The following LRRC28 variants were observed in gnomAD, a reference collection of about 807,000 sequenced individuals.
LRRC28 encodes the protein leucine rich repeat containing 28.
In LRRC28, 39 loss-of-function variants were observed where a neutral mutation model predicts 45.7. The observed-to-expected ratio is 0.85, with a 90% CI of 0.66 to 1.12. LRRC28 has a LOEUF of 1.12. Ranked by LOEUF, LRRC28 falls within the 50% of genes most tolerant of loss-of-function variation. The pLI is 0.00. For synonymous variants in LRRC28, 206 were observed against 178.8 expected (o/e 1.15, Z -1.22); for missense variants, 435 against 438.5 (o/e 0.99, Z 0.07).
At chr15:99,319,138 A>G (rs960686435) in intron 5 of LRRC28, among the ~76,000 whole-genome samples, 4 of 152,126 alleles carry the variant, frequency 2.6e-5, no homozygotes, top group Admixed American at 1.3e-4. Flanking sequence ...ATTCTGGACT[A>G]TGATGCTGTG....
At chr15:99,385,893 A>T in intron 9 of LRRC28, 137 bp from the exon 10 acceptor site, 1 of 734,094 alleles carries the variant, frequency 1.4e-6, no homozygotes, top group South Asian at 1.6e-5. Flanking sequence ...TTGAAAAGGA[A>T]ATTTAAATTT....
chr15:99,338,064 C>T (rs1956384906), intron 6 of LRRC28: 1 of 152,134 alleles, frequency 6.6e-6, no homozygotes, highest in African/African-American at 2.4e-5. Context: ...ATGGAGGAGA[C>T]AGCTGGAGAC....
chr15:99,378,891 C>T (rs1198418622), intron 9 of LRRC28, among the ~76,000 whole-genome samples: 1 of 152,076 alleles, frequency 6.6e-6, no homozygotes, highest in Admixed American at 6.5e-5. Context: ...GGATGAAGCC[C>T]ACTTGATCAT....
At chr15:99,291,343 A>G (rs1363427253) in intron 5 of LRRC28, among the ~76,000 whole-genome samples, 2 of 152,218 alleles carry the variant, frequency 1.3e-5, no homozygotes, top group Non-Finnish European at 2.9e-5. Flanking sequence ...AGCCATGTAT[A>G]TAGGCTTTAT....
At chr15:99,263,603 A>G (rs2081258064) in intron 2 of LRRC28, among the ~76,000 whole-genome samples, 1 of 152,220 alleles carries the variant, frequency 6.6e-6, no homozygotes, top group Admixed American at 6.5e-5. Context: ...AGCTTTCAAG[A>G]GCAGGAACTG....
At chr15:99,373,244 A>G (rs1214362419) in intron 9 of LRRC28, among the ~76,000 whole-genome samples, 1 of 152,166 alleles carries the variant, frequency 6.6e-6, no homozygotes, top group African/African-American at 2.4e-5. Context: ...TCATCAGCGA[A>G]TCCCCCAAAA....
intron 6 of LRRC28, among the ~76,000 whole-genome samples, chr15:99,344,856 GA>G (rs1472835722): frequency 1.3e-5 from 2 of 152,164 alleles, no homozygotes; most frequent in Non-Finnish European, 2.9e-5. Flanking sequence ...GGTTTGAGGG[GA>G]TGAATCATTG....
chr15:99,357,001 G>A (rs1957064677), intron 7 of LRRC28, among the ~76,000 whole-genome samples: 2 of 152,110 alleles, frequency 1.3e-5, no homozygotes, highest in Admixed American at 1.3e-4. Context: ...TCCAAGCCAA[G>A]GTTTATTCTT....
intron 4 of LRRC28, 118 bp from the exon 5 acceptor site, chr15:99,287,696 T>C: frequency 9.2e-7 from 1 of 1,087,418 alleles, no homozygotes; most frequent in Non-Finnish European, 1.3e-6. Context: ...TACTATTTTG[T>C]GAGCAACTGA....
At chr15:99,291,662 T>C (rs1567633101) in intron 5 of LRRC28, among the ~76,000 whole-genome samples, 1 of 152,252 alleles carries the variant, frequency 6.6e-6, no homozygotes, top group Non-Finnish European at 1.5e-5. Flanking sequence ...CTTAAAAGAC[T>C]TAACATTTTA....
At chr15:99,289,656 G>A (rs1285820445) in intron 5 of LRRC28, among the ~76,000 whole-genome samples, 12 of 152,144 alleles carry the variant, frequency 7.9e-5, no homozygotes, top group South Asian at 2.1e-4. Context: ...GCACCAGGCC[G>A]GGCGCGGTGG....
rs1450171255 is a variant in LRRC28, at chr15:99,352,472, G to A, written c.695+1G>A. 1.9e-6 allele frequency: 3 copies of A among 1,603,882 alleles called. No individual in the cohort carries two copies. The highest frequency in any genetic ancestry group is 2.7e-5 in the African/African-American group (2 of 74,512). ...ACAATAAAGTCATCGGGTGCAGTGG[G>A]TAAGGCCGATTTCACATTTTGAACT... On this transcript the variant is annotated splice_donor_variant, in intron 7 of 9. Coordinates refer to ENST00000301981, the MANE Select transcript of LRRC28 (RefSeq NM_144598.5). LOFTEE classifies it high-confidence loss of function.
chr15:99,265,382 G>T (rs996862997), intron 2 of LRRC28, among the ~76,000 whole-genome samples: 9 of 152,058 alleles, frequency 5.9e-5, no homozygotes, highest in African/African-American at 1.7e-4. Context: ...AATGGAGGTG[G>T]GCCAAAGTAC....
chr15:99,374,952 C>T (rs1957585156), intron 9 of LRRC28, among the ~76,000 whole-genome samples: 1 of 152,040 alleles, frequency 6.6e-6, no homozygotes, highest in South Asian at 2.1e-4. Flanking sequence ...CAGGCATGAG[C>T]CACCGCACCC....
chr15:99,305,865 T>A (rs938548635), intron 5 of LRRC28, among the ~76,000 whole-genome samples: 1 of 152,218 alleles, frequency 6.6e-6, no homozygotes, highest in Non-Finnish European at 1.5e-5. Flanking sequence ...AGTATATATT[T>A]GTAAGAATTG....
rs149930950 is a variant in LRRC28 at position 99,294,683 on chromosome 15, A to G, written c.385+6732A>G. Among the ~76,000 whole-genome samples the G allele has an allele frequency of 1.2e-4, 19 of 152,300 alleles. No homozygotes were observed. The East Asian group carries it at 3.5e-3, about 28-fold the overall frequency. On this transcript the variant is annotated intron_variant, in intron 5 of 9. Coordinates refer to ENST00000301981, the MANE Select transcript of LRRC28 (RefSeq NM_144598.5). ...CTGAGGCATCTTTTGTAAGGGCACTAATTCCACTCATGAGCGTTTCACCCT... is the reference window on the plus strand; with the variant it reads ...CTGAGGCATCTTTTGTAAGGGCACTGATTCCACTCATGAGCGTTTCACCCT...
chr15:99,297,474 G>A (rs941162407), intron 5 of LRRC28: 41 of 148,242 alleles, frequency 2.8e-4, no homozygotes, highest in African/African-American at 9.7e-4. Flanking sequence ...ATGTCACCCA[G>A]GCTGGTCTCA....
chr15:99,301,113 T>G (rs781105983), intron 5 of LRRC28, among the ~76,000 whole-genome samples: 2 of 152,210 alleles, frequency 1.3e-5, no homozygotes, highest in Admixed American at 6.5e-5. Flanking sequence ...CTGTAACTCA[T>G]TCTCTTTAAG....
In LRRC28 at chr15:99,287,285, G is replaced by C; in HGVS notation, c.238G>C (p.Val80Leu). 1 of 1,562,988 alleles carries C rather than the reference G, an allele frequency of 6.4e-7. No individual in the cohort carries two copies. The highest frequency in any genetic ancestry group is 8.6e-7 in the Non-Finnish European group (1 of 1,157,554). Residue 80 changes from valine to leucine, a missense_variant, in exon 4 of 10, where the codon GTT becomes CTT. Coordinates refer to ENST00000301981, the MANE Select transcript of LRRC28 (RefSeq NM_144598.5). The part of the protein sequence containing the change: ...LYLHSNNIVV[V>L]PEAIGSLVKL... ...CCTGCACTCAAATAACATAGTTGTG[G>C]TTCCGGAAGGTATGTTTAACTTAAA...
Sources: gnomAD v4.1 joint callset for allele counts (sites outside exome capture counted in the v4.1 genomes callset) on GRCh38, gnomAD v4.1.1 for gene constraint, MANE v1.5 for transcripts, NCBI Gene and HGNC (gene_info 2026-07-23, HGNC 2026-07-21) for gene names.